The following SLC25A24 variants were observed in gnomAD, a reference collection of about 807,000 sequenced individuals.
SLC25A24 encodes solute carrier family 25 member 24, also known as mitochondrial adenyl nucleotide antiporter SLC25A24.
Under a neutral mutation model 60.7 loss-of-function variants are expected in SLC25A24, and 49 were observed. The observed-to-expected ratio is 0.81, with a 90% CI of 0.64 to 1.02. The LOEUF (loss-of-function observed/expected upper bound fraction) is 1.02. SLC25A24 is among the 50% of genes least tolerant of loss of function. The probability of loss-of-function intolerance (pLI) is 0.00; values close to 1 mark genes in which losing one functional copy is unlikely to be tolerated. For synonymous variants in SLC25A24, 202 were observed against 200.6 expected, an observed-to-expected ratio of 1.01 and a Z score of -0.06; for missense variants, 564 against 586.3, an observed-to-expected ratio of 0.96 and a Z score of 0.39.
chr1:108,191,265 G>A lies in SLC25A24; in HGVS notation c.184-5311C>T, dbSNP rs1319486181. ...TGATTCTCCTGCCTCAGCCTCCTGGGACTACACACACCCACCACCACACCC... is the reference window on the plus strand; with the variant it reads ...TGATTCTCCTGCCTCAGCCTCCTGGAACTACACACACCCACCACCACACCC... On this transcript the variant is annotated intron_variant, in intron 1 of 9. Coordinates refer to ENST00000565488, the MANE Select transcript of SLC25A24 (RefSeq NM_013386.5). 2.2e-5 allele frequency among the ~76,000 whole-genome samples: 3 copies of A among 138,138 alleles called. 1 individual carries two copies. The highest frequency in any genetic ancestry group is 4.7e-5 in the Non-Finnish European group (3 of 63,268). The allele number at this position is 138,138 out of a possible 152,430, so 90.6% of individuals were successfully genotyped here. A position where few individuals can be genotyped will look rare whatever the true frequency, so the allele number is the denominator to read the frequency against.
chr1:108,180,660 CT>C (rs1647894298), intron 3 of SLC25A24, among the ~76,000 whole-genome samples: 3 of 110,576 alleles, frequency 2.7e-5, no homozygotes, highest in Non-Finnish European at 5.8e-5. Flanking sequence ...CTCTCTCTCT[CT>C]CTCTCTGCCA....
At position 108,163,632 on chromosome 1, in the gene SLC25A24, C is replaced by T. The variant is rs1415426380; in HGVS notation, c.399-2339G>A. Among the ~76,000 whole-genome samples, 4 of 151,860 alleles carry T rather than the reference C, an allele frequency of 2.6e-5. No homozygotes were observed. The East Asian group carries it at 7.7e-4, about 29-fold the overall frequency. On this transcript the variant is annotated intron_variant, in intron 3 of 9. Transcript: ENST00000565488. ...TATAAGAATGCTTGTGATTTTTGTA[C>T]ATTGATTTTGTATCCTGAGACTTTG...
chr1:108,167,046 G>A (rs1346938610), intron 3 of SLC25A24, among the ~76,000 whole-genome samples: 5 of 144,000 alleles, frequency 3.5e-5, no homozygotes, highest in Admixed American at 6.9e-5. Context: ...TGGAGTAACC[G>A]GCTGTGTGAG....
chr1:108,177,137 ATTTTT>A (rs1647702343), intron 3 of SLC25A24, among the ~76,000 whole-genome samples: 1 of 152,100 alleles, frequency 6.6e-6, no homozygotes, highest in Non-Finnish European at 1.5e-5. Flanking sequence ...AAAAGTGTAG[ATTTTT>A]TTGTTTTGGG....
At chr1:108,163,809 C>A (rs918449794) in intron 3 of SLC25A24, among the ~76,000 whole-genome samples, 8 of 152,076 alleles carry the variant, frequency 5.3e-5, no homozygotes, top group African/African-American at 1.7e-4. Context: ...ACTGCCCTGG[C>A]CAGAACTTCC....
chr1:108,181,874 C>T, intron 3 of SLC25A24, 67 bp downstream of exon 3: 1 of 1,171,812 alleles, frequency 8.5e-7, no homozygotes. Flanking sequence ...GCCACACTTA[C>T]AAACACAGAG....
At chr1:108,141,883 A>T (rs1679451766) in intron 8 of SLC25A24, among the ~76,000 whole-genome samples, 2 of 152,186 alleles carry the variant, frequency 1.3e-5, no homozygotes, top group Admixed American at 6.5e-5. Context: ...TTGTTTAATG[A>T]CTATAGAGTT....
At position 108,136,093 on chromosome 1, in the gene SLC25A24, G is replaced by T. The variant is rs1174245339; in HGVS notation, c.*560C>A. ...AATATAATTTCATCACTTCCCTTCA[G>T]AAATTCCACCACTGTGTTCATTCGT... On this transcript the variant is annotated 3_prime_UTR_variant, in exon 10 of 10. Transcript: ENST00000565488. 1 of 152,128 alleles carries T rather than the reference G, an allele frequency of 6.6e-6. No individual in the cohort carries two copies. The highest frequency in any genetic ancestry group is 1.9e-4 in the East Asian group (1 of 5,194). 9.4% of individuals were successfully genotyped at this position (152,128 alleles called of 1,614,324 possible). A position where few individuals can be genotyped will look rare whatever the true frequency, so the allele number is the denominator to read the frequency against.
At chr1:108,182,162 T>C (rs969841640) in intron 2 of SLC25A24, 134 bp from the exon 3 acceptor site, 46 of 579,222 alleles carry the variant, frequency 7.9e-5, no homozygotes, top group South Asian at 1.2e-4. Context: ...AGGTGAGTTA[T>C]AGACTTGCTT....
intron 3 of SLC25A24, among the ~76,000 whole-genome samples, chr1:108,181,384 A>C (rs1647926082): frequency 6.6e-6 from 1 of 152,202 alleles, no homozygotes; most frequent in Non-Finnish European, 1.5e-5. Flanking sequence ...GGCTGCAGAG[A>C]TTACTGCTCT....
chr1:108,162,069 A>G (rs998091621), intron 3 of SLC25A24, among the ~76,000 whole-genome samples: 7 of 151,706 alleles, frequency 4.6e-5, no homozygotes, highest in Admixed American at 1.3e-4. Flanking sequence ...TTCTTGTGAT[A>G]GTTTACTGAG....
At chr1:108,193,421 G>A (rs1648407046) in intron 1 of SLC25A24, among the ~76,000 whole-genome samples, 1 of 138,294 alleles carries the variant, frequency 7.2e-6, no homozygotes, top group Non-Finnish European at 1.6e-5. Flanking sequence ...CCCTGTAAAT[G>A]AGAACACAGT....
At chr1:108,185,504 T>C (rs1648089166) in intron 2 of SLC25A24, among the ~76,000 whole-genome samples, 1 of 152,206 alleles carries the variant, frequency 6.6e-6, no homozygotes, top group South Asian at 2.1e-4. Flanking sequence ...CAAGAAAATA[T>C]AATTATTATT....
At chr1:108,183,565 G>A (rs1177207481) in intron 2 of SLC25A24, among the ~76,000 whole-genome samples, 1 of 152,120 alleles carries the variant, frequency 6.6e-6, no homozygotes, top group Non-Finnish European at 1.5e-5. Context: ...CTGTTTGAAC[G>A]CACCTCATTT....
rs778980821 is a variant in SLC25A24, at chr1:108,161,109, G to C, written c.510+73C>G. On this transcript the variant is annotated intron_variant, in intron 4 of 9. Transcript: ENST00000565488. ...GGTATCCTGGCCCATAAGTGTTACA[G>C]AGTGTTCTTGGGTGATAACTGTACC... 7 of 791,622 alleles carry C rather than the reference G, an allele frequency of 8.8e-6. No individual in the cohort carries two copies. In the African/African-American group the frequency reaches 1.2e-4, roughly 14 times the overall value. 49.0% of individuals were successfully genotyped at this position (791,622 alleles called of 1,614,324 possible).
chr1:108,174,842 G>A (rs533786306), intron 3 of SLC25A24, among the ~76,000 whole-genome samples: 21 of 152,268 alleles, frequency 1.4e-4, no homozygotes, highest in African/African-American at 3.6e-4. Context: ...ACTAGATTTC[G>A]GACTTACTTG....
rs1204322476 is a variant in SLC25A24, at chr1:108,200,216, G to A, written c.-78C>T. 3.7e-6 allele frequency: 5 copies of A among 1,368,028 alleles called. No homozygotes were observed. Among genetic ancestry groups the A allele is most frequent in the South Asian group, 3.1e-5 (2 of 64,316 alleles). The allele number at this position is 1,368,028 out of a possible 1,614,324, so 84.7% of individuals were successfully genotyped here. A position where few individuals can be genotyped will look rare whatever the true frequency, so the allele number is the denominator to read the frequency against. ...TGCGGGGCGAGACCGGGACCAGCGC[G>A]AGGCCGGGCTGGGCGGGGCGCGCGG... On this transcript the variant is annotated 5_prime_UTR_variant, in exon 1 of 10. Transcript: ENST00000565488.
chr1:108,145,237 T>C (rs867081560), intron 7 of SLC25A24, among the ~76,000 whole-genome samples: 1 of 152,224 alleles, frequency 6.6e-6, no homozygotes, highest in Non-Finnish European at 1.5e-5. Flanking sequence ...TGTCTGTTCA[T>C]ATCCGTCACC....
chr1:108,138,801 A>G (rs1679361179), intron 9 of SLC25A24, among the ~76,000 whole-genome samples: 1 of 152,244 alleles, frequency 6.6e-6, no homozygotes, highest in Admixed American at 6.5e-5. Flanking sequence ...GTCAAAAAAA[A>G]TAGTACTCTG....
Sources: gnomAD v4.1 joint callset for allele counts (sites outside exome capture counted in the v4.1 genomes callset) on GRCh38, gnomAD v4.1.1 for gene constraint, MANE v1.5 for transcripts, NCBI Gene and HGNC (gene_info 2026-07-23, HGNC 2026-07-21) for gene names.